Variants in FBXL17 observed in about 807,000 individuals in gnomAD.
FBXL17 encodes the protein F-box and leucine rich repeat protein 17, also known as F-box/LRR-repeat protein 17.
FBXL17 carries 22 observed loss-of-function variants against 66.2 expected under a neutral mutation model. The ratio of observed to expected loss-of-function variants is 0.33; its 90% CI spans 0.24 to 0.47. The LOEUF (loss-of-function observed/expected upper bound fraction) is 0.47, where lower values mean the gene tolerates loss of function less well. FBXL17 is among the 20% of genes least tolerant of loss of function. The pLI is 1.00. For missense variants in FBXL17, 878 were observed against 948.2 expected (o/e 0.93, Z 0.97); for synonymous variants, 474 against 400.5 (o/e 1.18, Z -2.19).
chr5:108,013,396 T>G (rs1210687203), intron 7 of FBXL17, among the ~76,000 whole-genome samples: 1 of 152,184 alleles, frequency 6.6e-6, no homozygotes, highest in East Asian at 1.9e-4. Context: ...TTCTTCAGAA[T>G]AACCAACGCA....
intron 3 of FBXL17, among the ~76,000 whole-genome samples, chr5:108,349,668 T>C (rs1027809028): frequency 7.2e-5 from 11 of 152,174 alleles, no homozygotes; most frequent in African/African-American, 2.4e-4. Context: ...TTAATAAATA[T>C]TTGTTAAATA....
At chr5:108,015,640 G>A (rs754211229) in intron 7 of FBXL17, among the ~76,000 whole-genome samples, 1 of 152,148 alleles carries the variant, frequency 6.6e-6, no homozygotes. Flanking sequence ...ATCAGTGCTA[G>A]TCTGGCAACA....
intron 6 of FBXL17, among the ~76,000 whole-genome samples, chr5:108,025,835 A>C (rs1393594806): frequency 6.6e-6 from 1 of 152,152 alleles, no homozygotes; most frequent in African/African-American, 2.4e-5. Context: ...TCCATGCTGC[A>C]GAAGCTCATC....
chr5:107,861,829 T>C lies in FBXL17; in HGVS notation c.1997A>G (p.Gln666Arg), dbSNP rs2112476592. The stretch of plus-strand genomic sequence containing the variant: ...GCTGAAGGTGATGTGGGGGTACTGC[T>C]GCACCAGCTGTTCCACCGTCACTTC... Reference protein sequence around the residue: ...VNEVTVEQLVQQYPHITFSTV... With the variant: ...VNEVTVEQLVRQYPHITFSTV... The change falls in exon 9 of 9, where the codon CAG (glutamine) becomes CGG (arginine). Residue 666 changes from glutamine to arginine, a missense_variant. Gln to Arg is a conservative substitution (Grantham distance 43, BLOSUM62 1). Around this residue, in one of 4 missense-constraint regions of FBXL17, gnomAD observed 236 missense variants for 389.1 expected, o/e 0.61. Transcript: ENST00000542267. The C allele has an allele frequency of 1.3e-6, 2 of 1,556,722 alleles. No homozygotes were observed. Among genetic ancestry groups the C allele is most frequent in the East Asian group, 2.4e-5 (1 of 41,328 alleles).
chr5:107,904,779 A>C (rs545140903), intron 7 of FBXL17, among the ~76,000 whole-genome samples: 2 of 152,336 alleles, frequency 1.3e-5, no homozygotes, highest in Non-Finnish European at 2.9e-5. Context: ...TGTGTAAAAT[A>C]ATATCCATGC....
intron 4 of FBXL17, among the ~76,000 whole-genome samples, chr5:108,288,556 T>C (rs1290117798): frequency 6.6e-6 from 1 of 151,842 alleles, no homozygotes; most frequent in Non-Finnish European, 1.5e-5. Context: ...CTATTGCAAA[T>C]GTTCACACAG....
chr5:108,112,604 G>T (rs180884967), intron 6 of FBXL17, among the ~76,000 whole-genome samples: 4 of 152,256 alleles, frequency 2.6e-5, no homozygotes, highest in African/African-American at 9.6e-5. Context: ...CATATCCCAT[G>T]AGGAGAAAAA....
intron 4 of FBXL17, among the ~76,000 whole-genome samples, chr5:108,347,439 T>G (rs1477816483): frequency 1.3e-5 from 2 of 152,210 alleles, no homozygotes; most frequent in African/African-American, 4.8e-5. Context: ...TGACAACTTT[T>G]TCTTTTAACT....
chr5:108,091,113 C>G (rs1749172025), intron 6 of FBXL17, among the ~76,000 whole-genome samples: 1 of 152,132 alleles, frequency 6.6e-6, no homozygotes, highest in African/African-American at 2.4e-5. Flanking sequence ...TAAAACGAAA[C>G]AAAACCTTAC....
intron 8 of FBXL17, among the ~76,000 whole-genome samples, chr5:107,863,536 T>C (rs1239229907): frequency 7.0e-6 from 1 of 142,702 alleles, no homozygotes; most frequent in East Asian, 1.9e-4. Context: ...ACATAAGTAT[T>C]CCAGATCATT....
chr5:107,909,720 A>G (rs539478316), intron 7 of FBXL17, among the ~76,000 whole-genome samples: 2 of 152,146 alleles, frequency 1.3e-5, no homozygotes, highest in African/African-American at 4.8e-5. Flanking sequence ...ACTCTAAATA[A>G]AACATAAAGC....
At chr5:108,290,747 G>C (rs528169467) in intron 4 of FBXL17, among the ~76,000 whole-genome samples, 2 of 152,142 alleles carry the variant, frequency 1.3e-5, no homozygotes, top group South Asian at 4.1e-4. Context: ...TTTCCATAAA[G>C]GTCTTATGTA....
chr5:108,283,486 A>G (rs1287654837), intron 4 of FBXL17, among the ~76,000 whole-genome samples: 1 of 151,872 alleles, frequency 6.6e-6, no homozygotes, highest in Non-Finnish European at 1.5e-5. Flanking sequence ...TGCCATATGA[A>G]GGATAAAACT....
At chr5:108,264,558 A>G (rs974896275) in intron 4 of FBXL17, among the ~76,000 whole-genome samples, 1 of 152,222 alleles carries the variant, frequency 6.6e-6, no homozygotes, top group Non-Finnish European at 1.5e-5. Context: ...ATGTACAGGT[A>G]TAAGTAGGCT....
chr5:108,345,428 C>A (rs143002245), intron 4 of FBXL17, among the ~76,000 whole-genome samples: 2 of 151,794 alleles, frequency 1.3e-5, no homozygotes, highest in Admixed American at 1.3e-4. Context: ...ATTGTCCTCA[C>A]TTTCCACATG....
At chr5:108,154,608 T>A (rs166982) in intron 6 of FBXL17, among the ~76,000 whole-genome samples, 4,278 of 64,422 alleles carry the variant, frequency 0.066, 395 homozygotes, top group African/African-American at 0.24. Flanking sequence ...AAAAAAAAAA[T>A]ATATATATAC....
rs956247876 is a variant in FBXL17, at chr5:107,860,900, A to T, written c.*820T>A. On this transcript the variant is annotated 3_prime_UTR_variant, in exon 9 of 9. Transcript: ENST00000542267. ...GGCTTCAATGCTAAGATTAGTTTCA[A>T]ATATCATTAAAATATATCCTGACCA... 1 of 152,246 alleles carries T rather than the reference A, an allele frequency of 6.6e-6. No individual in the cohort carries two copies. Among genetic ancestry groups the T allele is most frequent in the Non-Finnish European group, 1.5e-5 (1 of 68,036 alleles). 9.4% of individuals were successfully genotyped at this position (152,246 alleles called of 1,614,324 possible). A position where few individuals can be genotyped will look rare whatever the true frequency, so the allele number is the denominator to read the frequency against.
chr5:108,106,585 G>A (rs151214547), intron 6 of FBXL17, among the ~76,000 whole-genome samples: 3 of 152,230 alleles, frequency 2.0e-5, no homozygotes, highest in East Asian at 1.9e-4. Flanking sequence ...AAGTGAATAC[G>A]TGCTACAACA....
chr5:108,193,912 C>T (rs1258289525), intron 5 of FBXL17, among the ~76,000 whole-genome samples: 1 of 152,110 alleles, frequency 6.6e-6, no homozygotes, highest in Non-Finnish European at 1.5e-5. Context: ...CTAGATCTGA[C>T]ATTATTCTCC....
Sources: gnomAD v4.1 joint callset for allele counts (sites outside exome capture counted in the v4.1 genomes callset) on GRCh38, gnomAD v4.1.1 for gene constraint, gnomAD v4.1.1 regional missense constraint, MANE v1.5 for transcripts, NCBI Gene and HGNC (gene_info 2026-07-23, HGNC 2026-07-21) for gene names.